The following CNTN1 variants were observed in gnomAD, a reference collection of about 807,000 sequenced individuals.
CNTN1 encodes the protein contactin 1.
CNTN1 carries 38 observed loss-of-function variants against 126.4 expected under a neutral mutation model. That is an observed-to-expected ratio of 0.30 (90% CI 0.23 to 0.39). The LOEUF is 0.39. Ranked by LOEUF, CNTN1 falls within the 10% of genes least tolerant of loss-of-function variation. The pLI is 1.00. For missense variants in CNTN1, 1,009 were observed against 1,248.4 expected (o/e 0.81, Z 2.89); for synonymous variants, 413 against 422.6 (o/e 0.98, Z 0.28).
intron 14 of CNTN1, among the ~76,000 whole-genome samples, chr12:40,945,032 A>G (rs190068223): frequency 6.6e-6 from 1 of 152,236 alleles, no homozygotes; most frequent in Non-Finnish European, 1.5e-5. Flanking sequence ...ATTGATATGT[A>G]CACATTATTA....
intron 1 of CNTN1, among the ~76,000 whole-genome samples, chr12:40,713,902 C>T (rs1002350444): frequency 6.6e-6 from 1 of 151,860 alleles, no homozygotes; most frequent in African/African-American, 2.4e-5. Flanking sequence ...ACCTTTTTCC[C>T]CTGTATTATG....
intron 17 of CNTN1, among the ~76,000 whole-genome samples, chr12:41,010,734 G>T (rs1948627161): frequency 6.6e-6 from 1 of 152,072 alleles, no homozygotes; most frequent in African/African-American, 2.4e-5. Flanking sequence ...ATCTGGTTTT[G>T]TTCTATCTTG....
chr12:40,833,869 G>A lies in CNTN1; in HGVS notation c.-76-74488G>A, dbSNP rs539658664. 3.3e-5 allele frequency among the ~76,000 whole-genome samples: 5 copies of A among 152,304 alleles called. No homozygotes were observed. The South Asian group carries it at 6.2e-4, about 19-fold the overall frequency. On this transcript the variant is annotated intron_variant, in intron 1 of 23. Transcript: ENST00000551295. Reference sequence around the variant, plus strand: ...TCAAACAACTAAATCAATGCTGAGGGAAAATGCTATCTTTATACTTGAATA... The same window carrying A: ...TCAAACAACTAAATCAATGCTGAGGAAAAATGCTATCTTTATACTTGAATA...
intron 23 of CNTN1, among the ~76,000 whole-genome samples, chr12:41,055,232 A>C (rs2121058492): frequency 6.6e-6 from 1 of 152,298 alleles, no homozygotes; most frequent in East Asian, 1.9e-4. Flanking sequence ...ACATTAATTT[A>C]GAGTATTATA....
intron 1 of CNTN1, among the ~76,000 whole-genome samples, chr12:40,877,228 A>G (rs1943698050): frequency 6.6e-6 from 1 of 152,208 alleles, no homozygotes; most frequent in Non-Finnish European, 1.5e-5. Context: ...ACAGTTTTCC[A>G]CAGAAAAGTT....
intron 1 of CNTN1, among the ~76,000 whole-genome samples, chr12:40,796,749 C>T (rs1380292421): frequency 6.6e-6 from 1 of 152,046 alleles, no homozygotes; most frequent in African/African-American, 2.4e-5. Flanking sequence ...ATGAAATTCT[C>T]TCACTTAAGT....
intron 1 of CNTN1, among the ~76,000 whole-genome samples, chr12:40,773,297 G>A (rs1939418411): frequency 6.6e-6 from 1 of 151,568 alleles, no homozygotes; most frequent in South Asian, 2.1e-4. Flanking sequence ...TGACTGGCTT[G>A]GCACTTTTCG....
chr12:41,013,374 G>C (rs1442579176), intron 17 of CNTN1, among the ~76,000 whole-genome samples: 1 of 152,072 alleles, frequency 6.6e-6, no homozygotes, highest in African/African-American at 2.4e-5. Context: ...CGACTTTACA[G>C]GCTGCTCTTT....
At chr12:40,904,235 G>A (rs555268239) in intron 1 of CNTN1, among the ~76,000 whole-genome samples, 1 of 152,164 alleles carries the variant, frequency 6.6e-6, no homozygotes, top group Non-Finnish European at 1.5e-5. Context: ...AGCCAGGATG[G>A]TCTCAATCTC....
intron 23 of CNTN1, among the ~76,000 whole-genome samples, chr12:41,041,666 T>G (rs2120951983): frequency 6.6e-6 from 1 of 152,262 alleles, no homozygotes. Context: ...GTCAAGGAAT[T>G]TATCCATTTC....
chr12:40,835,565 T>G (rs995257025), intron 1 of CNTN1, among the ~76,000 whole-genome samples: 2 of 152,128 alleles, frequency 1.3e-5, no homozygotes, highest in Non-Finnish European at 2.9e-5. Flanking sequence ...CCAAAGCCCA[T>G]ATGCCATTAT....
chr12:40,938,578 C>T lies in CNTN1; in HGVS notation c.1229-757C>T, dbSNP rs1483503819. 2.6e-5 allele frequency among the ~76,000 whole-genome samples: 4 copies of T among 152,276 alleles called. No homozygotes were observed. In the East Asian group the frequency reaches 7.7e-4, roughly 29 times the overall value. On this transcript the variant is annotated intron_variant, in intron 11 of 23. Coordinates refer to ENST00000551295, the MANE Select transcript of CNTN1 (RefSeq NM_001843.4). ...CAAATTAAATAATCCTAATAGATTT[C>T]AATTTTCTCATTTATAAACTGGGAA...
intron 14 of CNTN1, among the ~76,000 whole-genome samples, chr12:40,945,201 A>G (rs1207118849): frequency 2.6e-5 from 4 of 152,108 alleles, no homozygotes; most frequent in Non-Finnish European, 5.9e-5. Flanking sequence ...GAATTGGCAG[A>G]GAACTGTAAA....
intron 1 of CNTN1, among the ~76,000 whole-genome samples, chr12:40,898,549 A>C (rs538650249): frequency 6.6e-6 from 1 of 152,162 alleles, no homozygotes; most frequent in Admixed American, 6.5e-5. Context: ...TTAACATAAA[A>C]TTCTCTTATG....
At position 40,765,924 on chromosome 12, in the gene CNTN1, T is replaced by A. The variant is rs571182941; in HGVS notation, c.-77+73332T>A. 4.3e-4 allele frequency among the ~76,000 whole-genome samples: 66 copies of A among 152,296 alleles called. 1 individual carries two copies. In the South Asian group the frequency reaches 5.8e-3, roughly 13 times the overall value. ...TGCAAAAACAAACTAAAACAAAATTTTACAAGTCCTGGGCAAAAGATATAT... is the reference window on the plus strand; with the variant it reads ...TGCAAAAACAAACTAAAACAAAATTATACAAGTCCTGGGCAAAAGATATAT... On this transcript the variant is annotated intron_variant, in intron 1 of 23. Coordinates refer to ENST00000551295, the MANE Select transcript of CNTN1 (RefSeq NM_001843.4).
rs146811750 is a variant in CNTN1 at position 40,769,874 on chromosome 12, C to T, written c.-77+77282C>T. Among the ~76,000 whole-genome samples, 199 of 152,004 alleles carry T rather than the reference C, an allele frequency of 1.3e-3. 1 individual carries two copies. Among genetic ancestry groups the T allele is most frequent in the African/African-American group, 4.5e-3 (188 of 41,434 alleles). Reference sequence around the variant, plus strand: ...CCTCTAGGAAAGGTTTCATCCTTGGCCCAGTAATTAGTTATGTGTAAATAT... The same window carrying T: ...CCTCTAGGAAAGGTTTCATCCTTGGTCCAGTAATTAGTTATGTGTAAATAT... On this transcript the variant is annotated intron_variant, in intron 1 of 23. Transcript: ENST00000551295.
intron 20 of CNTN1, among the ~76,000 whole-genome samples, chr12:41,023,021 G>A (rs925164092): frequency 1.3e-5 from 2 of 152,008 alleles, no homozygotes; most frequent in African/African-American, 4.8e-5. Context: ...GACTGTGGCC[G>A]GTAGGGGGGA....
intron 1 of CNTN1, among the ~76,000 whole-genome samples, chr12:40,852,948 G>T (rs973666545): frequency 3.3e-5 from 5 of 150,786 alleles, no homozygotes; most frequent in Non-Finnish European, 7.4e-5. Flanking sequence ...AAATGATCTT[G>T]CTAAATAGTT....
intron 1 of CNTN1, among the ~76,000 whole-genome samples, chr12:40,710,644 G>A (rs1013187223): frequency 2.0e-5 from 3 of 152,074 alleles, no homozygotes; most frequent in Admixed American, 2.0e-4. Flanking sequence ...CACTGAATAT[G>A]GAAATCTAAT....
Sources: allele counts gnomAD v4.1 joint callset (sites outside exome capture counted in the v4.1 genomes callset), GRCh38; gene constraint gnomAD v4.1.1; transcripts MANE v1.5; gene names NCBI Gene and HGNC (gene_info 2026-07-23, HGNC 2026-07-21).